PACSIN1: variants seen among roughly 807,000 people sequenced by gnomAD.
PACSIN1 encodes protein kinase C and casein kinase substrate in neurons 1.
PACSIN1 carries 15 observed loss-of-function variants against 59.5 expected under a neutral mutation model. The observed-to-expected ratio is 0.25, with a 90% confidence interval of 0.17 to 0.39. The LOEUF is 0.39. Among genes scored for constraint, PACSIN1 ranks in the 10% least tolerant of loss-of-function variants. The pLI, the probability that PACSIN1 is intolerant of heterozygous loss-of-function variation, is 1.00. For missense variants in PACSIN1, 420 were observed against 580.2 expected (o/e 0.72, Z 2.84); for synonymous variants, 210 against 220.6 (o/e 0.95, Z 0.42).
chr6:34,526,874 C>T (rs1767494692), intron 2 of PACSIN1, among the ~76,000 whole-genome samples: 1 of 152,068 alleles, frequency 6.6e-6, no homozygotes, highest in Admixed American at 6.5e-5. Flanking sequence ...AAACCCAAGA[C>T]GAAAACTGCC....
intron 1 of PACSIN1, among the ~76,000 whole-genome samples, chr6:34,497,591 G>A (rs1305203677): frequency 6.6e-6 from 1 of 152,120 alleles, no homozygotes; most frequent in Non-Finnish European, 1.5e-5. Context: ...CTGCCCCCAG[G>A]CAGCCACACC....
Position 34,515,172 on chromosome 6 carries a change from AG to A in PACSIN1, c.-63-11067del. On this transcript the variant is annotated intron_variant, in intron 1 of 9. Transcript: ENST00000244458. This position sits in a 1 kb window ranked among gnomAD's most constrained non-coding sequence, Gnocchi z 4.4. ...GATAGGAGCCAAACAGGCCAGCTGG[AG>A]GGGCCGGGCCAGGGACCAGGCTGGG... is the stretch of plus-strand genomic sequence containing the variant. 6.6e-6 allele frequency: 1 copy of A among 152,582 alleles called. No individual in the cohort carries two copies. Among genetic ancestry groups the A allele is most frequent in the Non-Finnish European group, 1.5e-5 (1 of 68,306 alleles). The allele number at this position is 152,582 out of a possible 1,614,324, so 9.5% of individuals were successfully genotyped here.
intron 1 of PACSIN1, among the ~76,000 whole-genome samples, chr6:34,473,423 T>C (rs1356869587): frequency 6.6e-6 from 1 of 152,142 alleles, no homozygotes; most frequent in African/African-American, 2.4e-5. Context: ...CATTGGACCT[T>C]GTGGGACAGG....
chr6:34,516,818 T>C lies in PACSIN1; in HGVS notation c.-63-9425T>C, dbSNP rs1209164935. ...CAACGTGCCCACAGCCCAGGGCACC[T>C]GCCTGGAAGCCGGATTGAGACTTGA... On this transcript the variant is annotated intron_variant, in intron 1 of 9. Coordinates refer to ENST00000244458, the MANE Select transcript of PACSIN1 (RefSeq NM_020804.5). This position sits in a 1 kb window ranked among gnomAD's most constrained non-coding sequence, Gnocchi z 5.4. Among the ~76,000 whole-genome samples the C allele has an allele frequency of 2.6e-5, 4 of 152,200 alleles. No homozygotes were observed. Among genetic ancestry groups the C allele is most frequent in the Admixed American group, 2.0e-4 (3 of 15,284 alleles).
rs1371954709 is a variant in PACSIN1, at chr6:34,488,990, G to A, written c.-64+22720G>A. The stretch of plus-strand genomic sequence containing the variant: ...GAGCCCAGAAGTTCGAGACCAGCCT[G>A]GGCAACATGGTGAAACCCTGTCTCT... On this transcript the variant is annotated intron_variant, in intron 1 of 9. Transcript: ENST00000244458. This position sits in a 1 kb window ranked among gnomAD's most constrained non-coding sequence, Gnocchi z 4.7. Among the ~76,000 whole-genome samples, 1 of 152,126 alleles carries A rather than the reference G, an allele frequency of 6.6e-6. No individual in the cohort carries two copies. The highest frequency in any genetic ancestry group is 1.5e-5 in the Non-Finnish European group (1 of 68,026).
At chr6:34,519,537 T>C (rs1198064832) in intron 1 of PACSIN1, among the ~76,000 whole-genome samples, 1 of 152,034 alleles carries the variant, frequency 6.6e-6, no homozygotes, top group Non-Finnish European at 1.5e-5. Flanking sequence ...CTGGAAGGGC[T>C]CTGGGGGTAT....
chr6:34,508,488 A>C (rs993990592), intron 1 of PACSIN1, among the ~76,000 whole-genome samples: 2 of 152,070 alleles, frequency 1.3e-5, no homozygotes, highest in Admixed American at 6.5e-5. Flanking sequence ...GCTGATCTTG[A>C]ACTCCTGAGC....
In PACSIN1 at chr6:34,529,457, C is replaced by T. The variant is rs1767549751; in HGVS notation, c.517C>T (p.Arg173Trp). Residue 173 changes from arginine (R) to tryptophan (W), a missense_variant, in exon 5 of 10, where the codon CGG becomes TGG. Arg to Trp is a moderately radical substitution (Grantham distance 101). Coordinates refer to ENST00000244458, the MANE Select transcript of PACSIN1 (RefSeq NM_020804.5). The surrounding 1 kb of genome is among the most constrained non-coding windows in gnomAD (Gnocchi z 6.3). ...ACKEEKLAMTREMNSKTEQSV... is the reference protein window; with the variant it reads ...ACKEEKLAMTWEMNSKTEQSV... ...CAAAGAGGAAAAGCTGGCCATGACA[C>T]GGGAGATGAACAGCAAGACGGAGCA... 4 of 1,613,972 alleles carry T rather than the reference C, an allele frequency of 2.5e-6. No homozygotes were observed. Among genetic ancestry groups the T allele is most frequent in the East Asian group, 2.2e-5 (1 of 44,870 alleles).
intron 1 of PACSIN1, among the ~76,000 whole-genome samples, chr6:34,467,247 C>G (rs1007598832): frequency 6.6e-6 from 1 of 152,236 alleles, no homozygotes; most frequent in African/African-American, 2.4e-5. Context: ...TCCTTGCCCC[C>G]TGCCCTATGT....
At chr6:34,519,070 G>T (rs1219684151) in intron 1 of PACSIN1, among the ~76,000 whole-genome samples, 1 of 152,186 alleles carries the variant, frequency 6.6e-6, no homozygotes, top group African/African-American at 2.4e-5. Context: ...GAGCACAGGG[G>T]TGGTGAAGGG....
At position 34,532,592 on chromosome 6, in the gene PACSIN1, C is replaced by T; in HGVS notation, c.*62C>T. 8.1e-6 allele frequency: 7 copies of T among 866,858 alleles called. No individual in the cohort carries two copies. The highest frequency in any genetic ancestry group is 5.5e-5 in the East Asian group (2 of 36,630). 53.7% of individuals were successfully genotyped at this position (866,858 alleles called of 1,614,324 possible). A position where few individuals can be genotyped will look rare whatever the true frequency, so the allele number is the denominator to read the frequency against. ...ACTGCCGCCCCTCCCCTCCCACTCTCGTCTCCTTCCCCTCGCCATAGAGTT... is the reference window on the plus strand; with the variant it reads ...ACTGCCGCCCCTCCCCTCCCACTCTTGTCTCCTTCCCCTCGCCATAGAGTT... On this transcript the variant is annotated 3_prime_UTR_variant, in exon 10 of 10. Transcript: ENST00000244458. This position sits in a 1 kb window ranked among gnomAD's most constrained non-coding sequence, Gnocchi z 5.2.
intron 1 of PACSIN1, among the ~76,000 whole-genome samples, chr6:34,524,346 A>G (rs1187970822): frequency 6.6e-6 from 1 of 152,216 alleles, no homozygotes; most frequent in Non-Finnish European, 1.5e-5. Context: ...CACGAGGCAC[A>G]TTAAAAAATT....
In PACSIN1 at chr6:34,466,773, G is replaced by C. The variant is rs185903653; in HGVS notation, c.-64+503G>C. Among the ~76,000 whole-genome samples, 7 of 152,276 alleles carry C rather than the reference G, an allele frequency of 4.6e-5. No individual in the cohort carries two copies. The East Asian group carries it at 1.2e-3, about 25-fold the overall frequency. On this transcript the variant is annotated intron_variant, in intron 1 of 9. Coordinates refer to ENST00000244458, the MANE Select transcript of PACSIN1 (RefSeq NM_020804.5). ...CCCACAGCTGGGATGGGAGCGGGGA[G>C]GGGGGAGGAGGCAAGAAGGAGGCGA...
chr6:34,492,599 C>T (rs1421200113), intron 1 of PACSIN1, among the ~76,000 whole-genome samples: 1 of 152,162 alleles, frequency 6.6e-6, no homozygotes. Flanking sequence ...TCAGGCTGGT[C>T]TCGAACTCCT....
chr6:34,491,343 G>A (rs1329671687), intron 1 of PACSIN1, among the ~76,000 whole-genome samples: 3 of 152,012 alleles, frequency 2.0e-5, no homozygotes, highest in East Asian at 1.9e-4. Context: ...TCTCCAATTC[G>A]GGAGCTCTTG....
chr6:34,508,395 G>A (rs558503707), intron 1 of PACSIN1, among the ~76,000 whole-genome samples: 4 of 152,036 alleles, frequency 2.6e-5, no homozygotes, highest in Non-Finnish European at 5.9e-5. Context: ...GTGAGCCACC[G>A]TGCCCAGCAG....
At chr6:34,520,522 C>A (rs1767370535) in intron 1 of PACSIN1, among the ~76,000 whole-genome samples, 2 of 152,136 alleles carry the variant, frequency 1.3e-5, no homozygotes, top group South Asian at 4.1e-4. Context: ...TGCTGTGTGA[C>A]CTTGGACAAG....
chr6:34,491,366 G>C (rs1267277714), intron 1 of PACSIN1, among the ~76,000 whole-genome samples: 5 of 152,146 alleles, frequency 3.3e-5, no homozygotes, highest in Admixed American at 6.5e-5. Context: ...CCTGCAGTGC[G>C]GTCCCTTCCC....
At chr6:34,502,534 C>T (rs146857929) in intron 1 of PACSIN1, among the ~76,000 whole-genome samples, 2,626 of 141,916 alleles carry the variant, frequency 0.019, 58 homozygotes, top group African/African-American at 0.051. Context: ...GGCGTGATCT[C>T]GGCTCACTAC....
Sources: gnomAD v4.1 joint callset for allele counts (sites outside exome capture counted in the v4.1 genomes callset) on GRCh38, gnomAD v4.1.1 for gene constraint, Gnocchi (gnomAD v3.1) non-coding constraint, MANE v1.5 for transcripts, NCBI Gene and HGNC (gene_info 2026-07-23, HGNC 2026-07-21) for gene names.